PKN3: variants seen among roughly 807,000 people sequenced by gnomAD.
The protein encoded by PKN3 is serine/threonine-protein kinase N3.
A neutral mutation model predicts 113.1 loss-of-function variants in PKN3; 91 were observed. The ratio of observed to expected loss-of-function variants is 0.80; its 90% confidence interval spans 0.68 to 0.96. The LOEUF (loss-of-function observed/expected upper bound fraction) is 0.96. PKN3 is among the 40% of genes least tolerant of loss of function. The pLI, the probability that PKN3 is intolerant of heterozygous loss-of-function variation, is 0.00. For missense variants in PKN3, 1,052 were observed against 1,202.2 expected (o/e 0.88, Z 1.85); for synonymous variants, 467 against 499.0 (o/e 0.94, Z 0.85).
At chr9:128,704,195 C>T (rs938982252) in intron 1 of PKN3, 1 of 966,420 alleles carries the variant, frequency 1.0e-6, no homozygotes, top group African/African-American at 1.8e-5. Context: ...CTGAGGTCAC[C>T]TTTGGCACCG....
chr9:128,702,520 G>T lies in PKN3; in HGVS notation c.-396G>T. 1 of 211,382 alleles carries T rather than the reference G, an allele frequency of 4.7e-6. No homozygotes were observed. The highest frequency in any genetic ancestry group is 9.3e-6 in the Non-Finnish European group (1 of 107,810). The allele number at this position is 211,382 out of a possible 1,614,324, so 13.1% of individuals were successfully genotyped here. ...TTTCCCCCATCCCTGTCCCTAACTG[G>T]CCGGCTCCCGCGGGCGCGCGGCGGG... On this transcript the variant is annotated 5_prime_UTR_variant, in exon 1 of 22. Coordinates refer to ENST00000291906, the MANE Select transcript of PKN3 (RefSeq NM_013355.5).
Position 128,705,773 on chromosome 9 carries a change from T to C in PKN3, c.305T>C (p.Leu102Pro), listed in dbSNP as rs772096063. ...ASGPRPWAEQ[L>P]RARHLEALRR... ...GGACCCCGGCCGTGGGCAGAGCAGC[T>C]CAGGGCTCGGCACCTAGAGGCTCTC... Residue 102 changes from leucine (L) to proline (P), a missense_variant, in exon 3 of 22, where the codon CTC becomes CCC. Around this residue, in one of 2 missense-constraint regions of PKN3, gnomAD observed 719 missense variants for 759.4 expected, o/e 0.95. Coordinates refer to ENST00000291906, the MANE Select transcript of PKN3 (RefSeq NM_013355.5). 6.2e-7 allele frequency: 1 copy of C among 1,608,564 alleles called. No homozygotes were observed. The highest frequency in any genetic ancestry group is 8.5e-7 in the Non-Finnish European group (1 of 1,177,756).
In PKN3 at chr9:128,707,105, G is replaced by C. The variant is rs74675182; in HGVS notation, c.651+82G>C. 9 of 1,593,720 alleles carry C rather than the reference G, an allele frequency of 5.6e-6. No homozygotes were observed. The South Asian group carries it at 8.9e-5, about 16-fold the overall frequency. On this transcript the variant is annotated intron_variant, in intron 5 of 21. Coordinates refer to ENST00000291906, the MANE Select transcript of PKN3 (RefSeq NM_013355.5). Reference sequence around the variant, plus strand: ...GCAGGGGTGTGAAGGGAGGGTGGCCGTGTAAAAGCAGGACTTCTCTGTTGA... The same window carrying C: ...GCAGGGGTGTGAAGGGAGGGTGGCCCTGTAAAAGCAGGACTTCTCTGTTGA...
intron 18 of PKN3, among the ~76,000 whole-genome samples, chr9:128,718,888 TTTTTTTTTGGTTTG>T (rs1341689302): frequency 1.1e-4 from 3 of 28,108 alleles, no homozygotes; most frequent in East Asian, 1.9e-3. Flanking sequence ...TGCCTTCTGT[TTTTTTTTTGGTTTG>T]TTTTTTTTTT....
intron 16 of PKN3, among the ~76,000 whole-genome samples, chr9:128,717,746 A>G: frequency 7.0e-6 from 1 of 142,668 alleles, no homozygotes; most frequent in African/African-American, 2.6e-5. Flanking sequence ...AAGGCCGGGC[A>G]CGTTGGTTCA....
At chr9:128,711,608 G>T (rs369587013) in intron 6 of PKN3, among the ~76,000 whole-genome samples, 1 of 149,230 alleles carries the variant, frequency 6.7e-6, no homozygotes, top group East Asian at 2.0e-4. Flanking sequence ...TTTTTTTTGG[G>T]GGGGGTGGGG....
rs1018172028 is a variant in PKN3, at chr9:128,720,324, G to T, written c.2457+41G>T. On this transcript the variant is annotated intron_variant, in intron 21 of 21. Transcript: ENST00000291906. This position sits in a 1 kb window ranked among gnomAD's most constrained non-coding sequence, Gnocchi z 5.5. ...GGCGGTGGTCCCCTGTGCCTGGCAG[G>T]GTAGGTGGCATGGAGTGACTCCTGG... is the stretch of plus-strand genomic sequence containing the variant. 36 of 1,612,170 alleles carry T rather than the reference G, an allele frequency of 2.2e-5. No homozygotes were observed. Among genetic ancestry groups the T allele is most frequent in the Non-Finnish European group, 2.9e-5 (34 of 1,178,962 alleles).
At chr9:128,704,762 T>C (rs1861956506) in intron 1 of PKN3, among the ~76,000 whole-genome samples, 1 of 151,596 alleles carries the variant, frequency 6.6e-6, no homozygotes, top group African/African-American at 2.4e-5. Context: ...CTACTAAAAA[T>C]ACAAAATTAG....
Position 128,715,592 on chromosome 9 carries a change from C to G in PKN3, c.1808+132C>G. The G allele has an allele frequency of 6.2e-6, 4 of 644,478 alleles. No individual in the cohort carries two copies. The highest frequency in any genetic ancestry group is 5.5e-5 in the South Asian group (3 of 54,094). The allele number at this position is 644,478 out of a possible 1,614,324, so 39.9% of individuals were successfully genotyped here. ...GCCAGCCTGCATTCTCTTTTGGCAC[C>G]TGCAGTTGTTAACTGTGTTTCCTTG... is the stretch of plus-strand genomic sequence containing the variant. On this transcript the variant is annotated intron_variant, in intron 15 of 21. Transcript: ENST00000291906. This position sits in a 1 kb window ranked among gnomAD's most constrained non-coding sequence, Gnocchi z 4.1.
rs139733366 is a variant in PKN3 at position 128,720,574 on chromosome 9, G to A, written c.2638G>A (p.Asp880Asn). 14 of 1,613,258 alleles carry A rather than the reference G, an allele frequency of 8.7e-6. No homozygotes were observed. The highest frequency in any genetic ancestry group is 1.7e-5 in the Admixed American group (1 of 60,002). The change falls in exon 22 of 22, where the codon GAC becomes AAC. Residue 880 changes from aspartate to asparagine, a missense_variant. Asp to Asn is a conservative substitution (Grantham distance 23). Around this residue, in one of 2 missense-constraint regions of PKN3, gnomAD observed 333 missense variants for 442.8 expected, o/e 0.75. Transcript: ENST00000291906. The surrounding 1 kb of genome is among the most constrained non-coding windows in gnomAD (Gnocchi z 5.5). ...ARQQAAFRDF[D>N]FVSERFLEP Reference sequence around the variant, plus strand: ...CCAACAGGCCGCCTTCCGGGACTTCGACTTTGTGTCAGAGCGATTCCTGGA... The same window carrying A: ...CCAACAGGCCGCCTTCCGGGACTTCAACTTTGTGTCAGAGCGATTCCTGGA...
chr9:128,716,810 C>T lies in PKN3; in HGVS notation c.1872C>T (p.Ser624=), dbSNP rs1288151971. Residue 624 remains serine (S), a synonymous_variant, in exon 16 of 22, where the codon TCC becomes TCT. Coordinates refer to ENST00000291906, the MANE Select transcript of PKN3 (RefSeq NM_013355.5). ...GCACAGGGCACCCTTTCCTGCTCTC[C>T]CTCCTTGCCTGCTTCCAGACCTCCA... ...VGCTGHPFLL[S]LLACFQTSSH... is the part of the protein sequence containing the mutation. 9.3e-6 allele frequency: 15 copies of T among 1,613,996 alleles called. No individual in the cohort carries two copies. Among genetic ancestry groups the T allele is most frequent in the African/African-American group, 2.7e-5 (2 of 74,928 alleles).
Position 128,720,588 on chromosome 9 carries a change from G to A in PKN3, c.2652G>A (p.Glu884=). Residue 884 remains glutamate, a synonymous_variant, in exon 22 of 22, where the codon GAG becomes GAA. Coordinates refer to ENST00000291906, the MANE Select transcript of PKN3 (RefSeq NM_013355.5). The surrounding 1 kb of genome is among the most constrained non-coding windows in gnomAD (Gnocchi z 5.5). The part of the protein sequence containing the change: ...AAFRDFDFVS[E]RFLEP The stretch of plus-strand genomic sequence containing the variant: ...TCCGGGACTTCGACTTTGTGTCAGA[G>A]CGATTCCTGGAACCCTGAGGGCATC... The A allele has an allele frequency of 6.2e-7, 1 of 1,613,186 alleles. No individual in the cohort carries two copies. Among genetic ancestry groups the A allele is most frequent in the Non-Finnish European group, 8.5e-7 (1 of 1,179,938 alleles).
At position 128,713,314 on chromosome 9, in the gene PKN3, T is replaced by C; in HGVS notation, c.1019T>C (p.Val340Ala). Residue 340 changes from valine (V) to alanine (A), a missense_variant, in exon 8 of 22, where the codon GTT becomes GCT. By Grantham distance (64) the Val-to-Ala change is moderately conservative. Around this residue, in one of 2 missense-constraint regions of PKN3, gnomAD observed 719 missense variants for 759.4 expected, o/e 0.95. Transcript: ENST00000291906. ...VLAVLKVDNR[V>A]VGQTGWGQVA... ...GCTGTGCTAAAGGTGGACAACCGTG[T>C]TGTGGGGCAGACGGGCTGGGGGCAG... 6.2e-7 allele frequency: 1 copy of C among 1,614,096 alleles called. No homozygotes were observed. Among genetic ancestry groups the C allele is most frequent in the Non-Finnish European group, 8.5e-7 (1 of 1,180,004 alleles).
rs781660120 is a variant in PKN3, at chr9:128,713,553, G to T, written c.1147G>T (p.Val383Leu). 35 of 1,613,780 alleles carry T rather than the reference G, an allele frequency of 2.2e-5. No individual in the cohort carries two copies. Among genetic ancestry groups the T allele is most frequent in the Non-Finnish European group, 3.0e-5 (35 of 1,179,992 alleles). ...GCGGGACTGGCGGCAGCTATGTGGC[G>T]TGGCCTTCCTGAGACTTGAGGACTT... ...HWRDWRQLCG[V>L]AFLRLEDFLD... The change falls in exon 9 of 22, where the codon GTG (valine) becomes TTG (leucine). Residue 383 changes from valine to leucine, a missense_variant. Transcript: ENST00000291906.
In PKN3 at chr9:128,705,423, C is replaced by A; in HGVS notation, c.145C>A (p.His49Asn). The A allele has an allele frequency of 6.3e-7, 1 of 1,593,612 alleles. No individual in the cohort carries two copies. The highest frequency in any genetic ancestry group is 8.5e-7 in the Non-Finnish European group (1 of 1,170,714). ...NLRRVATDRRHLGHVQQLLRS... is the reference protein window; with the variant it reads ...NLRRVATDRRNLGHVQQLLRS... Reference sequence around the variant, plus strand: ...GCGGCGCGTGGCCACAGACCGCCGCCACTTGGGCCATGTGCAGCAGCTGCT... The same window carrying A: ...GCGGCGCGTGGCCACAGACCGCCGCAACTTGGGCCATGTGCAGCAGCTGCT... The change falls in exon 2 of 22, where the codon CAC (histidine) becomes AAC (asparagine). Residue 49 changes from histidine to asparagine, a missense_variant. This residue lies in a region of PKN3 where 719 missense variants were observed against 759.4 expected (regional missense o/e 0.95). Coordinates refer to ENST00000291906, the MANE Select transcript of PKN3 (RefSeq NM_013355.5).
In PKN3 at chr9:128,715,555, C is replaced by T. The variant is rs78156951; in HGVS notation, c.1808+95C>T. Reference sequence around the variant, plus strand: ...GTTCCTGGGGCTTTGGAGAGGTGACCCCGTGGGGCCAGCCAGCCTGCATTC... The same window carrying T: ...GTTCCTGGGGCTTTGGAGAGGTGACTCCGTGGGGCCAGCCAGCCTGCATTC... On this transcript the variant is annotated intron_variant, in intron 15 of 21. Coordinates refer to ENST00000291906, the MANE Select transcript of PKN3 (RefSeq NM_013355.5). This position sits in a 1 kb window ranked among gnomAD's most constrained non-coding sequence, Gnocchi z 4.1. The T allele has an allele frequency of 1.2e-6, 1 of 856,062 alleles. No individual in the cohort carries two copies. The highest frequency in any genetic ancestry group is 1.9e-6 in the Non-Finnish European group (1 of 525,712). The allele number at this position is 856,062 out of a possible 1,614,324, so 53.0% of individuals were successfully genotyped here.
Position 128,705,844 on chromosome 9 carries a change from A to G in PKN3, c.376A>G (p.Asn126Asp). ...GCTGAAGGTGAAGCAGGGGGCTGAG[A>G]ACATGACCCACACGTGCGCCAGTGG... is the stretch of plus-strand genomic sequence containing the variant. ...VELKVKQGAE[N>D]MTHTCASGTP... Residue 126 changes from asparagine to aspartate, a missense_variant, in exon 3 of 22, where the codon AAC becomes GAC. Physicochemically the swap from Asn to Asp is conservative, Grantham distance 23. Around this residue, in one of 2 missense-constraint regions of PKN3, gnomAD observed 719 missense variants for 759.4 expected, o/e 0.95. Coordinates refer to ENST00000291906, the MANE Select transcript of PKN3 (RefSeq NM_013355.5). 3 of 1,607,678 alleles carry G rather than the reference A, an allele frequency of 1.9e-6. No individual in the cohort carries two copies. The highest frequency in any genetic ancestry group is 2.5e-6 in the Non-Finnish European group (3 of 1,176,612).
intron 16 of PKN3, among the ~76,000 whole-genome samples, chr9:128,717,748 G>A (rs1159901903): frequency 6.9e-6 from 1 of 144,506 alleles, no homozygotes; most frequent in Non-Finnish European, 1.5e-5. Context: ...GGCCGGGCAC[G>A]TTGGTTCATG....
chr9:128,704,331 T>TAA, intron 1 of PKN3, among the ~76,000 whole-genome samples: 1 of 152,242 alleles, frequency 6.6e-6, no homozygotes, highest in East Asian at 1.9e-4. Context: ...CCCGGAGACC[T>TAA]CCCCAGTTCC....
Sources: gnomAD v4.1 joint callset for allele counts (sites outside exome capture counted in the v4.1 genomes callset) on GRCh38, gnomAD v4.1.1 for gene constraint, gnomAD v4.1.1 regional missense constraint, Gnocchi (gnomAD v3.1) non-coding constraint, MANE v1.5 for transcripts, NCBI Gene and HGNC (gene_info 2026-07-23, HGNC 2026-07-21) for gene names.